ZNF609: variants seen among roughly 807,000 people sequenced by gnomAD.
ZNF609 encodes the protein zinc finger protein 609.
Under a neutral mutation model 109.5 loss-of-function variants are expected in ZNF609, and 11 were observed. That is an observed-to-expected ratio of 0.10 (90% confidence interval 0.06 to 0.17). The LOEUF (loss-of-function observed/expected upper bound fraction) is 0.17. Ranked by LOEUF, ZNF609 falls within the 10% of genes least tolerant of loss-of-function variation. The pLI, the probability that ZNF609 is intolerant of heterozygous loss-of-function variation, is 1.00. For missense variants in ZNF609, 1,559 were observed against 1,772.4 expected, an observed-to-expected ratio of 0.88 and a Z score of 2.16; for synonymous variants, 646 against 662.0, an observed-to-expected ratio of 0.98 and a Z score of 0.37.
chr15:64,582,060 T>C (rs1011772610), intron 2 of ZNF609, among the ~76,000 whole-genome samples: 1 of 152,302 alleles, frequency 6.6e-6, no homozygotes, highest in Admixed American at 6.5e-5. Context: ...CTTATCCATG[T>C]CTCTCCCAAA....
At chr15:64,667,587 C>T (rs1177325306) in intron 3 of ZNF609, among the ~76,000 whole-genome samples, 1 of 152,038 alleles carries the variant, frequency 6.6e-6, no homozygotes, top group Non-Finnish European at 1.5e-5. Context: ...GTGGCACCTG[C>T]CGTAATCCCA....
At chr15:64,563,226 G>C (rs1894709358) in intron 2 of ZNF609, among the ~76,000 whole-genome samples, 1 of 151,954 alleles carries the variant, frequency 6.6e-6, no homozygotes, top group Non-Finnish European at 1.5e-5. Context: ...AAGGTAGGAG[G>C]ATCACGTGAG....
intron 2 of ZNF609, among the ~76,000 whole-genome samples, chr15:64,526,617 T>C (rs1042827092): frequency 5.1e-5 from 7 of 136,884 alleles, no homozygotes; most frequent in African/African-American, 1.5e-4. Flanking sequence ...GAATATGGGA[T>C]TTTTTTTTTT....
intron 2 of ZNF609, among the ~76,000 whole-genome samples, chr15:64,547,502 C>T (rs2140388766): frequency 6.6e-6 from 1 of 152,206 alleles, no homozygotes; most frequent in South Asian, 2.1e-4. Context: ...GCTGCTTTGC[C>T]CTCTGGGCTT....
chr15:64,484,344 A>G (rs1403789508), intron 1 of ZNF609, among the ~76,000 whole-genome samples: 2 of 152,166 alleles, frequency 1.3e-5, no homozygotes. Context: ...CTTTCTTAGG[A>G]TGTGTAATTT....
chr15:64,615,549 C>T (rs760091398), intron 2 of ZNF609, among the ~76,000 whole-genome samples: 5 of 150,626 alleles, frequency 3.3e-5, no homozygotes, highest in South Asian at 2.1e-4. Context: ...TGCAATAGCA[C>T]GATCTCGGCT....
In ZNF609 at chr15:64,676,029, C is replaced by G. The variant is rs368160461; in HGVS notation, c.3175C>G (p.Leu1059Val). 6.2e-7 allele frequency: 1 copy of G among 1,614,204 alleles called. No individual in the cohort carries two copies. ...CACCAAGGCCCCCAGCCTGACAGAC[C>G]TGGTGAAATCAGGACCTGGCAAGGC... ...TLTKAPSLTD[L>V]VKSGPGKAKE... The change falls in exon 5 of 10, where the codon CTG (leucine) becomes GTG (valine). Residue 1059 changes from leucine to valine, a missense_variant. Physicochemically the swap from Leu to Val is conservative, Grantham distance 32 (BLOSUM62 1). Around this residue, in one of 4 missense-constraint regions of ZNF609, gnomAD observed 1,204 missense variants for 1,314.1 expected, o/e 0.92. Coordinates refer to ENST00000326648, the MANE Select transcript of ZNF609 (RefSeq NM_015042.2).
intron 2 of ZNF609, among the ~76,000 whole-genome samples, chr15:64,543,532 C>T (rs1894306493): frequency 6.6e-6 from 1 of 151,734 alleles, no homozygotes; most frequent in South Asian, 2.1e-4. Context: ...CAACCTCCAC[C>T]TCTGGGTTCA....
chr15:64,486,952 G>A (rs911087629), intron 1 of ZNF609, among the ~76,000 whole-genome samples: 19 of 151,904 alleles, frequency 1.3e-4, no homozygotes, highest in African/African-American at 1.2e-4. Flanking sequence ...CCTTCTCTTC[G>A]TATCGAATCA....
intron 4 of ZNF609, among the ~76,000 whole-genome samples, chr15:64,672,296 G>A (rs1395955831): frequency 2.7e-5 from 4 of 149,330 alleles, no homozygotes; most frequent in Admixed American, 2.6e-4. Context: ...ACAGGCATGA[G>A]CCACCGCACC....
At chr15:64,583,545 T>C (rs1184871968) in intron 2 of ZNF609, among the ~76,000 whole-genome samples, 3 of 152,070 alleles carry the variant, frequency 2.0e-5, no homozygotes, top group Non-Finnish European at 4.4e-5. Context: ...CAAGTCATTT[T>C]TCCCTTAGAG....
intron 8 of ZNF609, 77 bp downstream of exon 8, chr15:64,680,939 C>T: frequency 6.6e-7 from 1 of 1,506,316 alleles, no homozygotes; most frequent in Admixed American, 1.9e-5. Context: ...GTAATGTCCA[C>T]AGCTAGGACC....
At chr15:64,615,647 T>C (rs1895787723) in intron 2 of ZNF609, among the ~76,000 whole-genome samples, 2 of 151,114 alleles carry the variant, frequency 1.3e-5, no homozygotes, top group African/African-American at 2.4e-5. Flanking sequence ...CCACCATGCC[T>C]GGCTAATTTT....
chr15:64,643,219 GCT>G (rs1225548729), intron 3 of ZNF609, among the ~76,000 whole-genome samples: 2 of 152,134 alleles, frequency 1.3e-5, no homozygotes, highest in African/African-American at 4.8e-5. Flanking sequence ...CTCTCCCTCA[GCT>G]CTCAGTCCTA....
At chr15:64,516,583 G>A (rs1434752801) in intron 2 of ZNF609, among the ~76,000 whole-genome samples, 5 of 152,072 alleles carry the variant, frequency 3.3e-5, no homozygotes, top group South Asian at 2.1e-4. Flanking sequence ...TCACCATGTC[G>A]CCCAGGCTGG....
intron 1 of ZNF609, among the ~76,000 whole-genome samples, chr15:64,474,338 C>T (rs567894370): frequency 5.3e-5 from 8 of 151,948 alleles, no homozygotes; most frequent in South Asian, 2.1e-4. Flanking sequence ...CTCAGCCTCC[C>T]GAGTAGCTGG....
chr15:64,602,230 C>T (rs75633348), intron 2 of ZNF609, among the ~76,000 whole-genome samples: 2,256 of 152,278 alleles, frequency 0.015, 22 homozygotes, highest in Middle Eastern at 0.034. Context: ...CTTTAAACTT[C>T]ATTTCCCCTT....
chr15:64,514,954 T>A (rs1169429128), intron 2 of ZNF609, among the ~76,000 whole-genome samples: 3 of 152,184 alleles, frequency 2.0e-5, no homozygotes, highest in Admixed American at 6.5e-5. Context: ...TAAAATTTTT[T>A]AATCCTGCTT....
At chr15:64,512,890 G>A (rs560540563) in intron 2 of ZNF609, among the ~76,000 whole-genome samples, 1 of 152,172 alleles carries the variant, frequency 6.6e-6, no homozygotes, top group Non-Finnish European at 1.5e-5. Flanking sequence ...GGTAAATTGT[G>A]TGTCACATGG....
Sources: gnomAD v4.1 joint callset for allele counts (sites outside exome capture counted in the v4.1 genomes callset) on GRCh38, gnomAD v4.1.1 for gene constraint, gnomAD v4.1.1 regional missense constraint, MANE v1.5 for transcripts, NCBI Gene and HGNC (gene_info 2026-07-23, HGNC 2026-07-21) for gene names.